The following CTNNA2 variants were observed in gnomAD, a reference collection of about 807,000 sequenced individuals.
The protein encoded by CTNNA2 is catenin alpha 2.
Under a neutral mutation model 101.0 loss-of-function variants are expected in CTNNA2, and 42 were observed. The observed-to-expected ratio is 0.42, with a 90% CI of 0.32 to 0.54. The LOEUF (loss-of-function observed/expected upper bound fraction) is 0.54, where lower values mean the gene tolerates loss of function less well. CTNNA2 is among the 20% of genes least tolerant of loss of function. CTNNA2 has a pLI of 0.14. For missense variants in CTNNA2, 871 were observed against 1,223.1 expected, an observed-to-expected ratio of 0.71 and a Z score of 4.29; for synonymous variants, 450 against 456.4, an observed-to-expected ratio of 0.99 and a Z score of 0.18.
chr2:79,950,316 G>T (rs1427500882), intron 7 of CTNNA2, among the ~76,000 whole-genome samples: 1 of 152,144 alleles, frequency 6.6e-6, no homozygotes, highest in Non-Finnish European at 1.5e-5. Flanking sequence ...CAATAGTGTG[G>T]TAAATGTAAT....
At chr2:80,181,905 G>T (rs1049238256) in intron 7 of CTNNA2, among the ~76,000 whole-genome samples, 3 of 152,174 alleles carry the variant, frequency 2.0e-5, no homozygotes, top group Admixed American at 2.0e-4. Flanking sequence ...ATATTAAGCA[G>T]CCAACTCCAG....
intron 7 of CTNNA2, among the ~76,000 whole-genome samples, chr2:80,127,086 G>A (rs1176739487): frequency 1.3e-5 from 2 of 152,186 alleles, no homozygotes; most frequent in Non-Finnish European, 1.5e-5. Context: ...GGACTAGGTT[G>A]CATTCTTTGA....
At chr2:80,135,557 A>T (rs1474895554) in intron 7 of CTNNA2, among the ~76,000 whole-genome samples, 1 of 152,174 alleles carries the variant, frequency 6.6e-6, no homozygotes, top group Non-Finnish European at 1.5e-5. Context: ...GGGAAGCATC[A>T]TTGTACACTT....
At chr2:80,624,646 G>A (rs1183142626) in intron 18 of CTNNA2, among the ~76,000 whole-genome samples, 1 of 151,630 alleles carries the variant, frequency 6.6e-6, no homozygotes, top group Non-Finnish European at 1.5e-5. Context: ...AGAATCTTCT[G>A]TATTTATTTT....
At chr2:80,103,931 G>A (rs570088009) in intron 7 of CTNNA2, among the ~76,000 whole-genome samples, 13 of 152,032 alleles carry the variant, frequency 8.6e-5, no homozygotes, top group South Asian at 4.2e-4. Flanking sequence ...ATTGGGTTTC[G>A]CCATGTTGGC....
intron 7 of CTNNA2, among the ~76,000 whole-genome samples, chr2:79,940,721 A>G (rs1322315752): frequency 1.3e-5 from 2 of 152,222 alleles, no homozygotes; most frequent in Non-Finnish European, 2.9e-5. Flanking sequence ...ATCATAGCTT[A>G]GCCTAGCCTA....
At chr2:79,629,404 T>A (rs996838726) in intron 1 of CTNNA2, among the ~76,000 whole-genome samples, 9 of 152,256 alleles carry the variant, frequency 5.9e-5, no homozygotes, top group Non-Finnish European at 1.2e-4. Context: ...CATCTTTTTT[T>A]AACATAAGTA....
intron 2 of CTNNA2, among the ~76,000 whole-genome samples, chr2:79,227,451 A>G (rs1674434869): frequency 6.6e-6 from 1 of 152,184 alleles, no homozygotes; most frequent in Admixed American, 6.6e-5. Flanking sequence ...GTGAGAATTG[A>G]ATGAGATAAT....
At position 79,930,316 on chromosome 2, in the gene CTNNA2, G is replaced by GAAAGAAAGAA. The variant is rs1392337804; in HGVS notation, c.1056+20521_1056+20530dup. Among the ~76,000 whole-genome samples, 289 of 135,906 alleles carry GAAAGAAAGAA rather than the reference G, an allele frequency of 2.1e-3. 5 individuals are homozygous for GAAAGAAAGAA. The highest frequency in any genetic ancestry group is 8.3e-3 in the African/African-American group (280 of 33,566). The allele number at this position is 135,906 out of a possible 152,430, so 89.2% of individuals were successfully genotyped here. A position where few individuals can be genotyped will look rare whatever the true frequency, so the allele number is the denominator to read the frequency against. On this transcript the variant is annotated intron_variant, in intron 7 of 18. Transcript: ENST00000402739. The stretch of plus-strand genomic sequence containing the variant: ...AAAGAGAAAGAAAGAAAGAAAGAAA[G>GAAAGAAAGAA]AAAGAAAGAAAGAAAGAAAGAAAGA...
intron 2 of CTNNA2, among the ~76,000 whole-genome samples, chr2:79,680,014 C>G (rs543410989): frequency 6.6e-6 from 1 of 151,866 alleles, no homozygotes; most frequent in Non-Finnish European, 1.5e-5. Flanking sequence ...TGCAACAAAT[C>G]GGGAAAGGGG....
intron 7 of CTNNA2, among the ~76,000 whole-genome samples, chr2:80,152,944 T>C (rs1703795476): frequency 6.6e-6 from 1 of 152,194 alleles, no homozygotes; most frequent in African/African-American, 2.4e-5. Flanking sequence ...AACTTCAGCC[T>C]TTTATATTCT....
At chr2:79,198,598 G>A (rs888676170) in intron 2 of CTNNA2, among the ~76,000 whole-genome samples, 1 of 152,144 alleles carries the variant, frequency 6.6e-6, no homozygotes, top group African/African-American at 2.4e-5. Flanking sequence ...ATTCTTAAGA[G>A]ATATTCCCAT....
At chr2:79,386,754 G>C (rs1471767345) in intron 4 of CTNNA2, among the ~76,000 whole-genome samples, 1 of 152,162 alleles carries the variant, frequency 6.6e-6, no homozygotes, top group Non-Finnish European at 1.5e-5. Flanking sequence ...CCACATGCAT[G>C]CTTGCTAACC....
At chr2:79,344,853 TATATA>T (rs972991521) in intron 3 of CTNNA2, among the ~76,000 whole-genome samples, 79 of 145,148 alleles carry the variant, frequency 5.4e-4, no homozygotes, top group Admixed American at 3.1e-3. Flanking sequence ...AAATATTATA[TATATA>T]ATATATTATA....
At chr2:80,115,276 A>G (rs1701447083) in intron 7 of CTNNA2, among the ~76,000 whole-genome samples, 1 of 152,190 alleles carries the variant, frequency 6.6e-6, no homozygotes, top group South Asian at 2.1e-4. Context: ...CACTCTGCAA[A>G]TGAGTACCTG....
At chr2:79,268,264 A>G (rs747654242) in intron 2 of CTNNA2, among the ~76,000 whole-genome samples, 2 of 152,136 alleles carry the variant, frequency 1.3e-5, no homozygotes, top group Non-Finnish European at 2.9e-5. Flanking sequence ...AGATCAGAAT[A>G]ACAGAGAGGA....
chr2:80,217,415 C>T lies in CTNNA2; in HGVS notation c.1057-175796C>T, dbSNP rs550998804. Among the ~76,000 whole-genome samples the T allele has an allele frequency of 5.4e-4, 82 of 152,190 alleles. 1 individual carries two copies. The highest frequency in any genetic ancestry group is 1.7e-3 in the African/African-American group (72 of 41,536). Reference sequence around the variant, plus strand: ...AGCAGCTGTGTAATTCTGTGCAAATCATCTAACCTCTCAAAGCCTCAGTTT... The same window carrying T: ...AGCAGCTGTGTAATTCTGTGCAAATTATCTAACCTCTCAAAGCCTCAGTTT... On this transcript the variant is annotated intron_variant, in intron 7 of 18. Coordinates refer to ENST00000402739, the MANE Select transcript of CTNNA2 (RefSeq NM_001282597.3).
intron 4 of CTNNA2, among the ~76,000 whole-genome samples, chr2:79,866,006 A>G (rs1682064187): frequency 1.3e-5 from 2 of 152,236 alleles, no homozygotes; most frequent in African/African-American, 4.8e-5. Context: ...GGCGTGAGCC[A>G]CCGCGGCCAG....
At chr2:79,316,934 A>G (rs1676511369) in intron 3 of CTNNA2, among the ~76,000 whole-genome samples, 1 of 152,040 alleles carries the variant, frequency 6.6e-6, no homozygotes, top group Admixed American at 6.6e-5. Context: ...CTAGTATGCT[A>G]AATGGAATTG....
Sources: gnomAD v4.1 joint callset for allele counts (sites outside exome capture counted in the v4.1 genomes callset) on GRCh38, gnomAD v4.1.1 for gene constraint, MANE v1.5 for transcripts, NCBI Gene and HGNC (gene_info 2026-07-23, HGNC 2026-07-21) for gene names.